Variants in UPP2 observed in about 807,000 individuals in gnomAD.
UPP2 encodes the protein UPase 2.
In UPP2, 23 loss-of-function variants were observed where a neutral mutation model predicts 26.7. The ratio of observed to expected loss-of-function variants is 0.86; its 90% CI spans 0.62 to 1.22. The LOEUF (loss-of-function observed/expected upper bound fraction) is 1.22. UPP2 is among the 50% of genes most tolerant of loss of function. UPP2 has a pLI of 0.00. For synonymous variants in UPP2, 127 were observed against 141.3 expected (o/e 0.90, Z 0.72); for missense variants, 387 against 396.7 (o/e 0.98, Z 0.21).
rs1683903090 is a variant in UPP2, at chr2:158,135,022, CCTT to C, written c.*135_*137del. The C allele has an allele frequency of 1.8e-6, 2 of 1,098,822 alleles. No homozygotes were observed. The highest frequency in any genetic ancestry group is 3.2e-5 in the African/African-American group (2 of 61,906). The allele number at this position is 1,098,822 out of a possible 1,614,324, so 68.1% of individuals were successfully genotyped here. ...GCTAAATGGAAAGACTTTATGAAAT[CCTT>C]CTCTCTTAAAAAGGAATTTATTGTA... On this transcript the variant is annotated 3_prime_UTR_variant, in exon 7 of 7. Transcript: ENST00000005756.
chr2:158,001,774 T>C (rs1156868082), intron 2 of UPP2, among the ~76,000 whole-genome samples: 1 of 151,834 alleles, frequency 6.6e-6, no homozygotes, highest in East Asian at 1.9e-4. Flanking sequence ...TAACCTGAAG[T>C]TGGGGAAGAT....
chr2:158,019,639 AACACACACACAC>A (rs57149695), intron 3 of UPP2, among the ~76,000 whole-genome samples: 5,783 of 141,162 alleles, frequency 0.041, 338 homozygotes, highest in African/African-American at 0.13. Context: ...AATCCTTTAA[AACACACACACAC>A]ACACACACAC....
At chr2:158,133,154 TG>T (rs1218455991) in intron 6 of UPP2, among the ~76,000 whole-genome samples, 2 of 152,208 alleles carry the variant, frequency 1.3e-5, no homozygotes, top group Non-Finnish European at 2.9e-5. Context: ...TTTTAAAATG[TG>T]GTATATATAC....
chr2:158,039,523 C>T (rs900434755), intron 3 of UPP2, among the ~76,000 whole-genome samples: 15 of 152,210 alleles, frequency 9.9e-5, no homozygotes, highest in African/African-American at 3.6e-4. Context: ...TAGTAATTGT[C>T]AAAGGCCAGA....
At chr2:158,095,091 G>A (rs957083106) in intron 3 of UPP2, among the ~76,000 whole-genome samples, 1 of 152,158 alleles carries the variant, frequency 6.6e-6, no homozygotes, top group African/African-American at 2.4e-5. Context: ...GACAGCTCAG[G>A]GGCAGACAGA....
chr2:158,035,078 A>AGAATC (rs1683979099), intron 3 of UPP2, among the ~76,000 whole-genome samples: 1 of 151,956 alleles, frequency 6.6e-6, no homozygotes, highest in African/African-American at 2.4e-5. Flanking sequence ...AAAAGATTGC[A>AGAATC]TTTTCAGGTA....
chr2:158,112,717 T>C (rs1230277375), intron 2 of UPP2, among the ~76,000 whole-genome samples: 1 of 152,226 alleles, frequency 6.6e-6, no homozygotes, highest in Non-Finnish European at 1.5e-5. Context: ...TAATATGCAA[T>C]GCATTTTGAA....
At chr2:158,066,503 T>G (rs1383688978) in intron 3 of UPP2, among the ~76,000 whole-genome samples, 1 of 152,260 alleles carries the variant, frequency 6.6e-6, no homozygotes, top group African/African-American at 2.4e-5. Flanking sequence ...CTAGACCTTA[T>G]GTAGTTTATT....
At chr2:158,114,194 C>T (rs1035822537) in intron 2 of UPP2, among the ~76,000 whole-genome samples, 2 of 152,210 alleles carry the variant, frequency 1.3e-5, no homozygotes, top group African/African-American at 4.8e-5. Flanking sequence ...GCATTTTCCT[C>T]ACCACTTACT....
chr2:158,101,417 G>T (rs572217309), upstream of UPP2, among the ~76,000 whole-genome samples: 1 of 152,290 alleles, frequency 6.6e-6, no homozygotes, highest in African/African-American at 2.4e-5. Flanking sequence ...TTAATTATCA[G>T]TTCTTCTGTG....
chr2:158,123,087 T>C (rs1683605299), intron 5 of UPP2, among the ~76,000 whole-genome samples: 1 of 152,174 alleles, frequency 6.6e-6, no homozygotes. Flanking sequence ...AGGAGGTCTA[T>C]TTCTGGGTGT....
intron 3 of UPP2, among the ~76,000 whole-genome samples, chr2:158,027,129 A>T (rs1683845844): frequency 6.6e-6 from 1 of 152,164 alleles, no homozygotes; most frequent in Non-Finnish European, 1.5e-5. Context: ...TCACATTTCA[A>T]AACCAATCAT....
chr2:158,038,221 C>T (rs1397324790), intron 3 of UPP2, among the ~76,000 whole-genome samples: 1 of 152,224 alleles, frequency 6.6e-6, no homozygotes, highest in African/African-American at 2.4e-5. Context: ...GGTGGCTTCT[C>T]TTTCCTGGGC....
chr2:158,015,922 C>T (rs1237859041), intron 3 of UPP2: 1 of 420,084 alleles, frequency 2.4e-6, no homozygotes, highest in Non-Finnish European at 4.7e-6. Flanking sequence ...CATAAATTAC[C>T]CAGTCTCAGG....
intron 3 of UPP2, among the ~76,000 whole-genome samples, chr2:158,028,693 C>T (rs970094112): frequency 6.6e-6 from 1 of 152,156 alleles, no homozygotes; most frequent in Non-Finnish European, 1.5e-5. Flanking sequence ...TAAAGACATA[C>T]CCAAAACTGG....
chr2:158,096,656 G>GATAAATTGCTGTA (rs1284207363), intron 3 of UPP2, among the ~76,000 whole-genome samples: 1 of 151,822 alleles, frequency 6.6e-6, no homozygotes, highest in Non-Finnish European at 1.5e-5. Context: ...TAGGAGAATG[G>GATAAATTGCTGTA]ATAAATTGCT....
intron 2 of UPP2, among the ~76,000 whole-genome samples, chr2:158,013,375 C>T (rs755063816): frequency 3.3e-5 from 5 of 152,196 alleles, no homozygotes; most frequent in South Asian, 2.1e-4. Context: ...ATAACTCTTA[C>T]AGCTTTAGGC....
intron 3 of UPP2, among the ~76,000 whole-genome samples, chr2:158,058,419 CTGTGTGTGTGTGTG>C (rs70990632): frequency 7.3e-5 from 10 of 136,378 alleles, no homozygotes; most frequent in Non-Finnish European, 7.7e-5. Context: ...TCCCCCCAAC[CTGTGTGTGTGTGTG>C]TGTGTGTGTG....
intron 3 of UPP2, 85 bp from the exon 4 acceptor site, chr2:158,117,739 G>A: frequency 2.8e-6 from 3 of 1,074,076 alleles, no homozygotes; most frequent in African/African-American, 1.6e-5. Flanking sequence ...TCTGAGGCCT[G>A]TTAACTTGTA....
Sources: gnomAD v4.1 joint callset for allele counts (sites outside exome capture counted in the v4.1 genomes callset) on GRCh38, gnomAD v4.1.1 for gene constraint, MANE v1.5 for transcripts, NCBI Gene and HGNC (gene_info 2026-07-23, HGNC 2026-07-21) for gene names.